Variants in GRAMD4 observed in about 807,000 individuals in gnomAD.
GRAMD4 encodes the protein GRAM domain-containing protein 4.
GRAMD4 carries 25 observed loss-of-function variants against 83.9 expected under a neutral mutation model. The observed-to-expected ratio is 0.30, with a 90% CI of 0.22 to 0.42. The LOEUF (loss-of-function observed/expected upper bound fraction) is 0.42, where lower values mean the gene tolerates loss of function less well. Ranked by LOEUF, GRAMD4 falls within the 10% of genes least tolerant of loss-of-function variation. The probability of loss-of-function intolerance (pLI) is 1.00; values close to 1 mark genes in which losing one functional copy is unlikely to be tolerated. For missense variants in GRAMD4, 593 were observed against 788.7 expected (o/e 0.75, Z 2.97); for synonymous variants, 336 against 320.9 (o/e 1.05, Z -0.50).
intron 3 of GRAMD4, among the ~76,000 whole-genome samples, chr22:46,643,008 T>TATCCATCCCTGGATCC (rs1217357273): frequency 3.1e-5 from 4 of 127,692 alleles, no homozygotes; most frequent in Non-Finnish European, 6.7e-5. Flanking sequence ...TCCATTCATT[T>TATCCATCCCTGGATCC]ATCCATCCCT....
At chr22:46,592,615 C>G (rs1481596095) in intron 1 of GRAMD4, among the ~76,000 whole-genome samples, 3 of 152,186 alleles carry the variant, frequency 2.0e-5, no homozygotes, top group Non-Finnish European at 4.4e-5. Context: ...CAGGGAGGAA[C>G]CACATCCTCT....
At chr22:46,680,564 G>C (rs149088857), downstream of GRAMD4, among the ~76,000 whole-genome samples, 1 of 22,488 alleles carries the variant, frequency 4.4e-5, no homozygotes, top group African/African-American at 2.3e-4. Flanking sequence ...CCGTCCGTCC[G>C]TCCATCCATC....
Position 46,665,797 on chromosome 22 carries a change from G to A in GRAMD4, c.809+91G>A, listed in dbSNP as rs6008945. On this transcript the variant is annotated intron_variant, in intron 9 of 18. Transcript: ENST00000406902. ...GTCTCACAACCGTGACCCCAGCTGG[G>A]TATGTCATGCACTGACGTTTTGGGG... The A allele has an allele frequency of 3.4e-3, 2,559 of 755,938 alleles. 50 individuals are homozygous for A. In the African/African-American group the frequency reaches 0.038, roughly 11 times the overall value. 46.8% of individuals were successfully genotyped at this position (755,938 alleles called of 1,614,324 possible).
chr22:46,653,011 C>G (rs890031320), intron 3 of GRAMD4, among the ~76,000 whole-genome samples: 1 of 152,178 alleles, frequency 6.6e-6, no homozygotes, highest in African/African-American at 2.4e-5. Context: ...GGAGAGACAG[C>G]AGCTTGGCCT....
At chr22:46,671,436 T>C (rs1029494323) in intron 13 of GRAMD4, among the ~76,000 whole-genome samples, 13 of 152,032 alleles carry the variant, frequency 8.6e-5, no homozygotes, top group African/African-American at 3.1e-4. Context: ...ATCGCGCCAC[T>C]GCACTCCAGC....
chr22:46,653,163 G>A (rs1044622355), intron 3 of GRAMD4, among the ~76,000 whole-genome samples: 25 of 152,220 alleles, frequency 1.6e-4, no homozygotes, highest in African/African-American at 2.9e-4. Flanking sequence ...TGGCTCTTCC[G>A]GAAGCTGGGA....
intron 5 of GRAMD4, among the ~76,000 whole-genome samples, chr22:46,662,614 G>A (rs1033142825): frequency 6.6e-6 from 1 of 152,238 alleles, no homozygotes; most frequent in Non-Finnish European, 1.5e-5. Context: ...AGGATATGCA[G>A]GGCTGGGGCA....
intron 1 of GRAMD4, among the ~76,000 whole-genome samples, chr22:46,581,755 A>G (rs2081101094): frequency 6.6e-6 from 1 of 152,218 alleles, no homozygotes; most frequent in African/African-American, 2.4e-5. Flanking sequence ...TGCGTGGTAG[A>G]GGTGGGTTTG....
chr22:46,634,916 C>G (rs1208187861), intron 2 of GRAMD4, among the ~76,000 whole-genome samples: 2 of 151,584 alleles, frequency 1.3e-5, no homozygotes, highest in African/African-American at 2.4e-5. Context: ...GCACTCCAGC[C>G]TGGGCGACAG....
At chr22:46,648,439 G>GGATT (rs1200391815) in intron 3 of GRAMD4, among the ~76,000 whole-genome samples, 1 of 150,670 alleles carries the variant, frequency 6.6e-6, no homozygotes, top group Non-Finnish European at 1.5e-5. Flanking sequence ...GTGGATGGAT[G>GGATT]GATGGATGGA....
intron 1 of GRAMD4, among the ~76,000 whole-genome samples, chr22:46,589,004 C>A (rs1303409916): frequency 1.3e-5 from 2 of 152,098 alleles, no homozygotes; most frequent in African/African-American, 2.4e-5. Flanking sequence ...GCAACCACAG[C>A]TCGTAACTGT....
intron 1 of GRAMD4, among the ~76,000 whole-genome samples, chr22:46,614,356 C>T (rs1444321684): frequency 6.6e-6 from 1 of 152,222 alleles, no homozygotes; most frequent in East Asian, 1.9e-4. Context: ...AAAGTGTTAA[C>T]GTGCAGATGA....
upstream of GRAMD4, among the ~76,000 whole-genome samples, chr22:46,617,347 T>C (rs944778145): frequency 6.6e-6 from 1 of 150,984 alleles, no homozygotes; most frequent in Non-Finnish European, 1.5e-5. Context: ...GGTTCCCCCG[T>C]GTGTAGGTTC....
intron 1 of GRAMD4, among the ~76,000 whole-genome samples, chr22:46,594,652 C>T (rs1380004947): frequency 6.6e-6 from 1 of 151,938 alleles, no homozygotes; most frequent in South Asian, 2.1e-4. Flanking sequence ...GGAGCTTGGT[C>T]TCAGGACAGT....
At position 46,678,555 on chromosome 22, in the gene GRAMD4, C is replaced by T. The variant is rs897292069; in HGVS notation, c.*1304C>T. The T allele has an allele frequency of 5.0e-5, 49 of 985,346 alleles. No individual in the cohort carries two copies. The highest frequency in any genetic ancestry group is 1.8e-4 in the Admixed American group (3 of 16,276). The allele number at this position is 985,346 out of a possible 1,614,324, so 61.0% of individuals were successfully genotyped here. ...CTCCTGGAAGGAGGTGGCCACCCCG[C>T]GGGCCTGCGTGTCTGCTGGGGCGGA... On this transcript the variant is annotated 3_prime_UTR_variant, in exon 19 of 19. Transcript: ENST00000406902.
intron 2 of GRAMD4, among the ~76,000 whole-genome samples, chr22:46,631,281 C>T (rs1211594335): frequency 2.6e-5 from 4 of 152,216 alleles, no homozygotes; most frequent in Non-Finnish European, 2.9e-5. Flanking sequence ...CAGAACCTTT[C>T]GTCATCCCAG....
chr22:46,616,085 A>C (rs1421615587), upstream of GRAMD4, among the ~76,000 whole-genome samples: 3 of 52,918 alleles, frequency 5.7e-5, no homozygotes, highest in African/African-American at 8.4e-5. Flanking sequence ...GGTTCCCCCA[A>C]GCGTGTAGGT....
At chr22:46,595,217 C>T (rs2081249953) in intron 1 of GRAMD4, among the ~76,000 whole-genome samples, 1 of 152,274 alleles carries the variant, frequency 6.6e-6, no homozygotes, top group African/African-American at 2.4e-5. Flanking sequence ...GGCGTGGGTA[C>T]TAACTACAGG....
At chr22:46,614,019 G>A in intron 1 of GRAMD4, among the ~76,000 whole-genome samples, 1 of 152,214 alleles carries the variant, frequency 6.6e-6, no homozygotes, top group Non-Finnish European at 1.5e-5. Context: ...GGCTCACGCG[G>A]GTTCCCAGGA....
Sources: allele counts gnomAD v4.1 joint callset (sites outside exome capture counted in the v4.1 genomes callset), GRCh38; gene constraint gnomAD v4.1.1; transcripts MANE v1.5; gene names NCBI Gene and HGNC (gene_info 2026-07-23, HGNC 2026-07-21).